Variants in CDH13 observed in about 807,000 individuals in gnomAD.
The protein encoded by CDH13 is cadherin-13.
In CDH13, 24 loss-of-function variants were observed where a neutral mutation model predicts 63.8. The ratio of observed to expected loss-of-function variants is 0.38; its 90% CI spans 0.27 to 0.53. CDH13 has a LOEUF of 0.53. Ranked by LOEUF, CDH13 falls within the 20% of genes least tolerant of loss-of-function variation. The pLI is 0.85. For missense variants in CDH13, 1,049 were observed against 903.1 expected (o/e 1.16, Z -2.07); for synonymous variants, 503 against 355.3 (o/e 1.42, Z -4.67).
rs559766486 is a variant in CDH13, at chr16:82,749,349, T to C, written c.46-109013T>C. 8.5e-5 allele frequency among the ~76,000 whole-genome samples: 13 copies of C among 152,298 alleles called. No homozygotes were observed. The South Asian group carries it at 2.5e-3, about 29-fold the overall frequency. Reference sequence around the variant, plus strand: ...TACATTCAATGAGGCTTCACTTACATAGCCCAGGAGTCTCACTTACGAGTA... The same window carrying C: ...TACATTCAATGAGGCTTCACTTACACAGCCCAGGAGTCTCACTTACGAGTA... On this transcript the variant is annotated intron_variant, in intron 1 of 13. Transcript: ENST00000567109.
chr16:83,735,812 G>C (rs1911488333), intron 10 of CDH13: 1 of 152,234 alleles, frequency 6.6e-6, no homozygotes, highest in Non-Finnish European at 1.5e-5. Flanking sequence ...TTGGCTGCAA[G>C]AGAGAATTAT....
intron 5 of CDH13, among the ~76,000 whole-genome samples, chr16:83,302,051 T>C (rs1597701719): frequency 5.9e-5 from 9 of 152,132 alleles, no homozygotes; most frequent in Admixed American, 5.9e-4. Context: ...CTTTCTTACC[T>C]GAAAAATGAA....
intron 3 of CDH13, among the ~76,000 whole-genome samples, chr16:83,060,378 T>G (rs2031420338): frequency 6.6e-6 from 1 of 152,080 alleles, no homozygotes; most frequent in Non-Finnish European, 1.5e-5. Flanking sequence ...GAACAAAACT[T>G]TACTTGGATT....
chr16:82,793,489 C>G (rs570609520), intron 1 of CDH13, among the ~76,000 whole-genome samples: 18 of 152,208 alleles, frequency 1.2e-4, no homozygotes, highest in Admixed American at 7.8e-4. Context: ...TTTCATTATC[C>G]GATTGAGTTC....
chr16:82,637,156 C>T (rs1033803760), intron 1 of CDH13, among the ~76,000 whole-genome samples: 2 of 152,146 alleles, frequency 1.3e-5, no homozygotes, highest in South Asian at 2.1e-4. Flanking sequence ...TCTAATTGGG[C>T]CCTGTAAAAA....
intron 7 of CDH13, among the ~76,000 whole-genome samples, chr16:83,511,090 A>ATACATG (rs1420245331): frequency 7.3e-5 from 3 of 41,264 alleles, no homozygotes; most frequent in East Asian, 1.7e-3. Context: ...GCATGCACAC[A>ATACATG]CACATGCACA....
intron 7 of CDH13, among the ~76,000 whole-genome samples, chr16:83,590,903 CTTTTTT>C (rs34324940): frequency 1.1e-5 from 1 of 88,848 alleles, no homozygotes; most frequent in African/African-American, 4.3e-5. Context: ...CCAGGGGATT[CTTTTTT>C]TTTTTTTTTT....
intron 6 of CDH13, among the ~76,000 whole-genome samples, chr16:83,434,843 A>ATGTGTGTGTGTG (rs1442298017): frequency 9.6e-5 from 6 of 62,722 alleles, no homozygotes; most frequent in African/African-American, 5.0e-4. Flanking sequence ...TAAAATATAT[A>ATGTGTGTGTGTG]TATATGTGTG....
In CDH13 at chr16:83,380,876, A is replaced by T. The variant is rs373226139; in HGVS notation, c.781+35870A>T. Among the ~76,000 whole-genome samples, 6 of 149,680 alleles carry T rather than the reference A, an allele frequency of 4.0e-5. No individual in the cohort carries two copies. The South Asian group carries it at 1.3e-3, about 32-fold the overall frequency. ...TAATTAAGGAAAAAGAGAAGAGTGT[A>T]TATTAGGAAGTAACTAGCAGCCCTG... On this transcript the variant is annotated intron_variant, in intron 6 of 13. Transcript: ENST00000567109.
At chr16:82,796,932 G>A (rs936606715) in intron 1 of CDH13, among the ~76,000 whole-genome samples, 1 of 152,166 alleles carries the variant, frequency 6.6e-6, no homozygotes, top group Admixed American at 6.5e-5. Context: ...GATTACATGG[G>A]TAAGTTTGCT....
rs368943466 is a variant in CDH13, at chr16:83,533,578, G to C, written c.960+46923G>C. Among the ~76,000 whole-genome samples, 122 of 150,452 alleles carry C rather than the reference G, an allele frequency of 8.1e-4. 3 individuals carry two copies. In the South Asian group the frequency reaches 0.025, roughly 31 times the overall value. ...AATGGCACGGCCCACGGCTTCCTTAGTTGTGGAAGTTGTGAGGATTTAAGT... is the reference window on the plus strand; with the variant it reads ...AATGGCACGGCCCACGGCTTCCTTACTTGTGGAAGTTGTGAGGATTTAAGT... On this transcript the variant is annotated intron_variant, in intron 7 of 13. Coordinates refer to ENST00000567109, the MANE Select transcript of CDH13 (RefSeq NM_001257.5).
At chr16:83,309,184 C>T (rs946547464) in intron 5 of CDH13, among the ~76,000 whole-genome samples, 2 of 152,240 alleles carry the variant, frequency 1.3e-5, no homozygotes, top group South Asian at 4.1e-4. Context: ...TTGTTTGCAG[C>T]GTTATACCGA....
At chr16:83,183,893 T>A (rs2038425983) in intron 4 of CDH13, among the ~76,000 whole-genome samples, 1 of 152,174 alleles carries the variant, frequency 6.6e-6, no homozygotes, top group Non-Finnish European at 1.5e-5. Flanking sequence ...TGAATTGGTT[T>A]TGACTAGAAG....
At chr16:82,817,178 C>G (rs1325550370) in intron 1 of CDH13, among the ~76,000 whole-genome samples, 1 of 151,980 alleles carries the variant, frequency 6.6e-6, no homozygotes, top group Non-Finnish European at 1.5e-5. Flanking sequence ...TCGCCCCCCA[C>G]TGCAGGTACC....
intron 5 of CDH13, among the ~76,000 whole-genome samples, chr16:83,237,198 T>C (rs1381766928): frequency 6.6e-6 from 1 of 152,118 alleles, no homozygotes; most frequent in African/African-American, 2.4e-5. Context: ...CAAGAGAAGG[T>C]CACCAAGGGA....
intron 4 of CDH13, among the ~76,000 whole-genome samples, chr16:83,214,198 A>G (rs2039425725): frequency 6.6e-6 from 1 of 152,014 alleles, no homozygotes; most frequent in Admixed American, 6.6e-5. Flanking sequence ...GACAGAGAAG[A>G]GGTGAGTGTG....
At chr16:83,050,523 C>G (rs541162743) in intron 3 of CDH13, among the ~76,000 whole-genome samples, 1 of 152,172 alleles carries the variant, frequency 6.6e-6, no homozygotes, top group East Asian at 1.9e-4. Context: ...TCTAGTTCTT[C>G]TTCTTATTCC....
intron 4 of CDH13, among the ~76,000 whole-genome samples, chr16:83,182,950 C>G (rs2038395188): frequency 6.6e-6 from 1 of 151,880 alleles, no homozygotes; most frequent in African/African-American, 2.4e-5. Context: ...GTGTAACTCA[C>G]CAATTGTGGC....
intron 1 of CDH13, among the ~76,000 whole-genome samples, chr16:82,845,309 G>A (rs892887371): frequency 6.6e-6 from 1 of 152,146 alleles, no homozygotes; most frequent in African/African-American, 2.4e-5. Context: ...CTGTCCATAG[G>A]AGCATTAACT....
Sources: gnomAD v4.1 joint callset for allele counts (sites outside exome capture counted in the v4.1 genomes callset) on GRCh38, gnomAD v4.1.1 for gene constraint, MANE v1.5 for transcripts, NCBI Gene and HGNC (gene_info 2026-07-23, HGNC 2026-07-21) for gene names.